Variants in BCAR3 observed in about 807,000 individuals in gnomAD.
BCAR3 encodes BCAR3 adaptor protein, NSP family member, also known as breast cancer anti-estrogen resistance protein 3.
A neutral mutation model predicts 80.1 loss-of-function variants in BCAR3; 37 were observed. The ratio of observed to expected loss-of-function variants is 0.46; its 90% CI spans 0.36 to 0.61. The LOEUF is 0.61. Among genes scored for constraint, BCAR3 ranks in the 20% least tolerant of loss-of-function variants. The pLI is 0.00. For missense variants in BCAR3, 978 were observed against 1,068.2 expected (o/e 0.92, Z 1.18); for synonymous variants, 389 against 418.9 (o/e 0.93, Z 0.87).
At chr1:93,845,469 T>TAC (rs1557708373) in intron 2 of BCAR3, 2 of 1,640 alleles carry the variant, frequency 1.2e-3, no homozygotes, top group African/African-American at 2.3e-3. Flanking sequence ...ATTTTATATA[T>TAC]ATATATATAT....
chr1:93,748,783 CATA>C (rs1651444662), intron 2 of BCAR3, among the ~76,000 whole-genome samples: 1 of 152,180 alleles, frequency 6.6e-6, no homozygotes, highest in Admixed American at 6.5e-5. Flanking sequence ...TCTTGCTTGA[CATA>C]ATGTTGTATA....
intron 3 of BCAR3, among the ~76,000 whole-genome samples, chr1:93,688,408 T>C (rs1224129681): frequency 5.3e-5 from 8 of 152,180 alleles, no homozygotes; most frequent in African/African-American, 1.7e-4. Context: ...CTCAGTCTAA[T>C]TACTAGCTTT....
chr1:93,782,171 G>A (rs1652784768), intron 2 of BCAR3, among the ~76,000 whole-genome samples: 1 of 152,214 alleles, frequency 6.6e-6, no homozygotes, highest in South Asian at 2.1e-4. Flanking sequence ...ATCACACCAA[G>A]GCTGTCCTTT....
At chr1:93,816,160 A>G (rs1654008578) in intron 2 of BCAR3, among the ~76,000 whole-genome samples, 1 of 152,208 alleles carries the variant, frequency 6.6e-6, no homozygotes, top group African/African-American at 2.4e-5. Flanking sequence ...ATCTAGTGCT[A>G]TACCTGGCAC....
chr1:93,650,245 C>A (rs938690717), intron 2 of BCAR3, among the ~76,000 whole-genome samples: 3 of 152,042 alleles, frequency 2.0e-5, no homozygotes, highest in Non-Finnish European at 4.4e-5. Flanking sequence ...ATTAGCTGGG[C>A]GTGGTGGCAA....
Position 93,724,936 on chromosome 1 carries a change from C to G in BCAR3, c.-62-18794G>C, listed in dbSNP as rs148891148. 7.7e-4 allele frequency among the ~76,000 whole-genome samples: 117 copies of G among 152,296 alleles called. 1 individual carries two copies. The highest frequency in any genetic ancestry group is 1.4e-3 in the Non-Finnish European group (93 of 68,030). On this transcript the variant is annotated intron_variant, in intron 2 of 13. Coordinates refer to the BCAR3 transcript ENST00000370244. ...CAGGAAGGGGTTTCAGTACTTGAAACTGCCTGACGGAAGGGTCCAAGGGAA... is the reference window on the plus strand; with the variant it reads ...CAGGAAGGGGTTTCAGTACTTGAAAGTGCCTGACGGAAGGGTCCAAGGGAA...
chr1:93,589,008 C>T lies in BCAR3; in HGVS notation c.898G>A (p.Glu300Lys), dbSNP rs925831275. The stretch of plus-strand genomic sequence containing the variant: ...AGGTTTCCCCTGGGCAAATTCTGCT[C>T]TCGGGCCTGGACGCCACCCATGGTG... Reference protein sequence around the residue: ...SLTMGGVQAREQNLPRGNLLR... With the variant: ...SLTMGGVQARKQNLPRGNLLR... The change falls in exon 5 of 12, where the codon GAG (glutamate) becomes AAG (lysine). Residue 300 changes from glutamate to lysine, a missense_variant. Coordinates refer to ENST00000260502, the MANE Select transcript of BCAR3 (RefSeq NM_003567.4). 6.3e-7 allele frequency: 1 copy of T among 1,590,910 alleles called. No individual in the cohort carries two copies. Among genetic ancestry groups the T allele is most frequent in the Non-Finnish European group, 8.6e-7 (1 of 1,164,518 alleles).
chr1:93,582,110 C>A (rs1354807091), intron 7 of BCAR3, among the ~76,000 whole-genome samples, 191 bp downstream of exon 7: 1 of 152,212 alleles, frequency 6.6e-6, no homozygotes, highest in Non-Finnish European at 1.5e-5. Flanking sequence ...GTGGTTCCCA[C>A]CCCTTAAATA....
In BCAR3 at chr1:93,745,215, G is replaced by A. The variant is rs117460409; in HGVS notation, c.-62-39073C>T. 5.9e-5 allele frequency among the ~76,000 whole-genome samples: 9 copies of A among 152,374 alleles called. No homozygotes were observed. In the East Asian group the frequency reaches 1.5e-3, roughly 26 times the overall value. ...TGCTGGTTTGGCCATGTGACTGGGA[G>A]TGGAGGGAAAGAAGTGATGCTGCCA... On this transcript the variant is annotated intron_variant, in intron 2 of 13. Transcript: ENST00000370244.
At chr1:93,684,338 G>A (rs1239913814), upstream of BCAR3, among the ~76,000 whole-genome samples, 1 of 152,080 alleles carries the variant, frequency 6.6e-6, no homozygotes, top group Non-Finnish European at 1.5e-5. Context: ...CAGAGCATGG[G>A]GGAGGTAGCA....
intron 2 of BCAR3, among the ~76,000 whole-genome samples, chr1:93,805,539 C>G (rs373751755): frequency 1.3e-5 from 2 of 151,976 alleles, no homozygotes; most frequent in East Asian, 3.9e-4. Flanking sequence ...GGGCAGCCAA[C>G]ATGGGATTTG....
chr1:93,816,670 C>CAAAAAAAAAAAAAA, intron 2 of BCAR3, among the ~76,000 whole-genome samples: 1 of 53,874 alleles, frequency 1.9e-5, no homozygotes, highest in Non-Finnish European at 3.4e-5. Context: ...GACTCCATCT[C>CAAAAAAAAAAAAAA]AAAAAAAAAA....
intron 3 of BCAR3, among the ~76,000 whole-genome samples, chr1:93,640,044 A>G (rs899501027): frequency 6.6e-6 from 1 of 152,140 alleles, no homozygotes; most frequent in African/African-American, 2.4e-5. Context: ...CTTTTCTCCA[A>G]GCTCAAGAGG....
At chr1:93,684,349 A>G (rs1234349885), upstream of BCAR3, among the ~76,000 whole-genome samples, 4 of 152,294 alleles carry the variant, frequency 2.6e-5, no homozygotes, top group African/African-American at 9.6e-5. Context: ...GGAGGTAGCA[A>G]TAAAGAAAGA....
At chr1:93,677,044 CAACA>C (rs1488605240) in intron 1 of BCAR3, among the ~76,000 whole-genome samples, 1 of 152,178 alleles carries the variant, frequency 6.6e-6, no homozygotes, top group Non-Finnish European at 1.5e-5. Context: ...ACCTTCAATT[CAACA>C]AACATTTAAG....
At chr1:93,735,532 T>C (rs774665398) in intron 2 of BCAR3, among the ~76,000 whole-genome samples, 3 of 152,226 alleles carry the variant, frequency 2.0e-5, no homozygotes, top group Non-Finnish European at 4.4e-5. Context: ...TATAACCACA[T>C]CAGAGTTGAG....
intron 2 of BCAR3, among the ~76,000 whole-genome samples, chr1:93,814,155 T>C (rs1235466263): frequency 1.3e-5 from 2 of 152,180 alleles, no homozygotes; most frequent in Non-Finnish European, 2.9e-5. Flanking sequence ...GCAAAGGCAG[T>C]AAATGGCCTC....
At chr1:93,699,451 C>T (rs1649557821) in intron 3 of BCAR3, among the ~76,000 whole-genome samples, 1 of 152,138 alleles carries the variant, frequency 6.6e-6, no homozygotes, top group African/African-American at 2.4e-5. Context: ...CCAACCCCAA[C>T]CTCGAGGATT....
chr1:93,587,883 GCT>G (rs2101841645), intron 5 of BCAR3, among the ~76,000 whole-genome samples: 1 of 152,188 alleles, frequency 6.6e-6, no homozygotes, highest in East Asian at 1.9e-4. Context: ...AAGACTCTGA[GCT>G]CTGTGAAAGA....
Sources: gnomAD v4.1 joint callset for allele counts (sites outside exome capture counted in the v4.1 genomes callset) on GRCh38, gnomAD v4.1.1 for gene constraint, MANE v1.5 for transcripts, NCBI Gene and HGNC (gene_info 2026-07-23, HGNC 2026-07-21) for gene names.